DACH2: variants seen among roughly 807,000 people sequenced by gnomAD.
DACH2 encodes dachshund homolog 2.
In DACH2, 17 loss-of-function variants were observed where a neutral mutation model predicts 35.8. The observed-to-expected ratio is 0.48, with a 90% CI of 0.33 to 0.71. The LOEUF (loss-of-function observed/expected upper bound fraction) is 0.71, where lower values mean the gene tolerates loss of function less well. Ranked by LOEUF, DACH2 falls within the 30% of genes least tolerant of loss-of-function variation. The pLI, the probability that DACH2 is intolerant of heterozygous loss-of-function variation, is 0.02. For synonymous variants in DACH2, 195 were observed against 177.3 expected, an observed-to-expected ratio of 1.10 and a Z score of -0.79; for missense variants, 469 against 472.7, an observed-to-expected ratio of 0.99 and a Z score of 0.07.
chrX:86,654,341 C>T (rs2040517080), intron 4 of DACH2, among the ~76,000 whole-genome samples: 1 of 110,089 alleles, frequency 9.1e-6, no homozygotes, highest in East Asian at 2.9e-4. Context: ...GAAATTCAAG[C>T]ATGGTGGGGC....
chrX:86,479,184 G>A (rs111785308), intron 2 of DACH2, among the ~76,000 whole-genome samples: 1,645 of 111,274 alleles, frequency 0.015, 8 homozygotes, highest in Middle Eastern at 0.028. Context: ...TTCTTCTGCC[G>A]GTGTGTTCCT....
At position 86,252,383 on chromosome X, in the gene DACH2, T is replaced by A. The variant is rs751778254; in HGVS notation, c.488+103275T>A. Among the ~76,000 whole-genome samples, 8 of 111,527 alleles carry A rather than the reference T, an allele frequency of 7.2e-5. No homozygotes were observed. In the East Asian group the frequency reaches 2.2e-3, roughly 31 times the overall value. On this transcript the variant is annotated intron_variant, in intron 1 of 11. Transcript: ENST00000373125. The stretch of plus-strand genomic sequence containing the variant: ...ATATTTATCTTTGTTTTTGTTGCAT[T>A]TGCTTTTGAGTTCTTGACCATGAAG...
At position 86,318,590 on chromosome X, in the gene DACH2, A is replaced by T. The variant is rs1302740526; in HGVS notation, c.489-58234A>T. Among the ~76,000 whole-genome samples the T allele has an allele frequency of 2.7e-5, 3 of 111,485 alleles. No individual in the cohort carries two copies. The Admixed American group carries it at 2.9e-4, about 11-fold the overall frequency. ...GCACATATTTTGACACTAGAACCTT[A>T]GACATCCCATACAGTTTTGGAACAT... On this transcript the variant is annotated intron_variant, in intron 1 of 11. Coordinates refer to ENST00000373125, the MANE Select transcript of DACH2 (RefSeq NM_053281.3).
intron 2 of DACH2, among the ~76,000 whole-genome samples, chrX:86,389,116 T>C: frequency 8.9e-6 from 1 of 112,018 alleles, no homozygotes; most frequent in Non-Finnish European, 1.9e-5. Flanking sequence ...GACTACTCAT[T>C]CGTAGTATCA....
intron 2 of DACH2, among the ~76,000 whole-genome samples, chrX:86,406,971 C>G (rs1324212575): frequency 8.9e-6 from 1 of 111,992 alleles, no homozygotes. Context: ...ACTAATGAAG[C>G]AATCATGTAG....
Position 86,459,529 on chromosome X carries a change from CAA to C in DACH2, c.528-54748_528-54747del, listed in dbSNP as rs762313168. Among the ~76,000 whole-genome samples the C allele has an allele frequency of 2.3e-4, 26 of 111,493 alleles. No individual in the cohort carries two copies. In the East Asian group the frequency reaches 4.5e-3, roughly 19 times the overall value. On this transcript the variant is annotated intron_variant, in intron 2 of 11. Coordinates refer to ENST00000373125, the MANE Select transcript of DACH2 (RefSeq NM_053281.3). ...TTTACTAACTTCTAAGTTTGTATGA[CAA>C]ACTAATGTAGTAAATGACCTTTAAC... is the stretch of plus-strand genomic sequence containing the variant.
chrX:86,160,034 C>T (rs1011454228), intron 1 of DACH2, among the ~76,000 whole-genome samples: 2 of 106,031 alleles, frequency 1.9e-5, no homozygotes, highest in African/African-American at 7.4e-5. Flanking sequence ...CTTAAAACTG[C>T]CACATGTAAA....
At chrX:86,482,982 G>A (rs778046862) in intron 2 of DACH2, among the ~76,000 whole-genome samples, 2 of 78,853 alleles carry the variant, frequency 2.5e-5, no homozygotes, top group South Asian at 2.0e-3. Context: ...ACACTCTGGG[G>A]ACTGTTGTGG....
At chrX:86,402,923 G>A (rs1326304520) in intron 2 of DACH2, among the ~76,000 whole-genome samples, 2 of 111,839 alleles carry the variant, frequency 1.8e-5, no homozygotes, top group African/African-American at 6.5e-5. Flanking sequence ...ACAAAAATAA[G>A]CAAAGGGGAA....
intron 2 of DACH2, among the ~76,000 whole-genome samples, chrX:86,425,997 G>A (rs2036887777): frequency 9.0e-6 from 1 of 110,971 alleles, no homozygotes; most frequent in African/African-American, 3.3e-5. Context: ...CTTGAAAGAA[G>A]GAAATGTTTG....
intron 1 of DACH2, among the ~76,000 whole-genome samples, chrX:86,278,042 G>T (rs1269969484): frequency 9.0e-6 from 1 of 111,604 alleles, no homozygotes; most frequent in Non-Finnish European, 1.9e-5. Context: ...CCGAGAAGAT[G>T]CTCCAAAGCA....
intron 1 of DACH2, among the ~76,000 whole-genome samples, chrX:86,320,072 A>AT (rs773338453): frequency 1.4e-4 from 16 of 111,121 alleles, no homozygotes; most frequent in East Asian, 5.7e-4. Context: ...GAAAATAGAG[A>AT]TTTTTTTTCC....
intron 2 of DACH2, among the ~76,000 whole-genome samples, chrX:86,472,114 A>C (rs752886676): frequency 8.9e-5 from 10 of 112,202 alleles, no homozygotes; most frequent in Non-Finnish European, 1.7e-4. Context: ...CAGAGGAATA[A>C]ATGGGACACT....
chrX:86,735,815 C>G (rs2041589003), intron 6 of DACH2, among the ~76,000 whole-genome samples: 2 of 111,645 alleles, frequency 1.8e-5, no homozygotes, highest in South Asian at 7.4e-4. Context: ...ATGAAGTTAT[C>G]AATGAGTAAA....
At chrX:86,806,208 C>A (rs748128189) in intron 7 of DACH2, among the ~76,000 whole-genome samples, 44 of 111,097 alleles carry the variant, frequency 4.0e-4, no homozygotes, top group Non-Finnish European at 6.6e-4. Flanking sequence ...GATGCTGGCA[C>A]CTGCTTGGCT....
At chrX:86,520,144 C>T (rs999852696) in intron 3 of DACH2, among the ~76,000 whole-genome samples, 5 of 111,416 alleles carry the variant, frequency 4.5e-5, no homozygotes, top group Non-Finnish European at 9.4e-5. Context: ...TTGATTTCTG[C>T]CTTAATTTCA....
At chrX:86,421,975 T>C (rs2036810408) in intron 2 of DACH2, among the ~76,000 whole-genome samples, 1 of 111,377 alleles carries the variant, frequency 9.0e-6, no homozygotes, top group Non-Finnish European at 1.9e-5. Context: ...AGAAGCCATC[T>C]GAGGAGAGTT....
At chrX:86,381,461 A>G (rs1416665751) in intron 2 of DACH2, among the ~76,000 whole-genome samples, 1 of 110,744 alleles carries the variant, frequency 9.0e-6, no homozygotes, top group African/African-American at 3.3e-5. Flanking sequence ...CGTCTAAGTT[A>G]CAAGCACTTT....
intron 3 of DACH2, among the ~76,000 whole-genome samples, chrX:86,573,143 AAGAG>A (rs1298433717): frequency 9.0e-6 from 1 of 110,799 alleles, no homozygotes; most frequent in Non-Finnish European, 1.9e-5. Context: ...GAGAGGAGGA[AAGAG>A]AGGGAGGGAG....
Sources: gnomAD v4.1 joint callset for allele counts (sites outside exome capture counted in the v4.1 genomes callset) on GRCh38, gnomAD v4.1.1 for gene constraint, MANE v1.5 for transcripts, NCBI Gene and HGNC (gene_info 2026-07-23, HGNC 2026-07-21) for gene names.